Variants in VAT1L observed in about 807,000 individuals in gnomAD.
The protein encoded by VAT1L is putative NADPH-dependent quinone oxidoreductase VAT1L.
Under a neutral mutation model 44.1 loss-of-function variants are expected in VAT1L, and 34 were observed. The ratio of observed to expected loss-of-function variants is 0.77; its 90% CI spans 0.59 to 1.03. VAT1L has a LOEUF of 1.03. VAT1L is among the 50% of genes least tolerant of loss of function. VAT1L has a pLI of 0.00. For missense variants in VAT1L, 615 were observed against 538.8 expected, an observed-to-expected ratio of 1.14 and a Z score of -1.40; for synonymous variants, 253 against 202.2, an observed-to-expected ratio of 1.25 and a Z score of -2.13.
At chr16:77,881,061 G>A (rs1362183829) in intron 6 of VAT1L, among the ~76,000 whole-genome samples, 7 of 152,276 alleles carry the variant, frequency 4.6e-5, no homozygotes, top group Admixed American at 1.3e-4. Flanking sequence ...ATGAACATAC[G>A]GGTGCATGTG....
At chr16:77,933,357 A>G (rs1158500129) in intron 7 of VAT1L, among the ~76,000 whole-genome samples, 1 of 152,212 alleles carries the variant, frequency 6.6e-6, no homozygotes, top group East Asian at 1.9e-4. Flanking sequence ...TTTACCTTAA[A>G]CAGTTGTTGT....
At chr16:77,963,840 C>G (rs1398983406) in intron 7 of VAT1L, among the ~76,000 whole-genome samples, 1 of 152,148 alleles carries the variant, frequency 6.6e-6, no homozygotes, top group African/African-American at 2.4e-5. Context: ...CTTCCCAGCA[C>G]AGAAATGATT....
intron 7 of VAT1L, among the ~76,000 whole-genome samples, chr16:77,922,838 G>A (rs893656721): frequency 6.6e-6 from 1 of 152,204 alleles, no homozygotes; most frequent in African/African-American, 2.4e-5. Flanking sequence ...TCCAACCCAT[G>A]CCACTCTCAC....
At chr16:77,969,500 C>G (rs1259258674) in intron 7 of VAT1L, among the ~76,000 whole-genome samples, 3 of 152,116 alleles carry the variant, frequency 2.0e-5, no homozygotes, top group African/African-American at 7.2e-5. Context: ...TGGGGTCTGC[C>G]TTCAGTTTCT....
At chr16:77,932,355 T>A (rs888987590) in intron 7 of VAT1L, among the ~76,000 whole-genome samples, 3 of 152,098 alleles carry the variant, frequency 2.0e-5, no homozygotes, top group Non-Finnish European at 2.9e-5. Flanking sequence ...TCCTCCCGCC[T>A]TGGCCTCCAA....
At position 77,805,865 on chromosome 16, in the gene VAT1L, C is replaced by CT. The variant is rs10689119; in HGVS notation, c.234-11041dup. ...GTGTTATTTTTTCCTTAGTCTCTGC[C>CT]TTTTTTTTTTTTTTTGAGATGGAGT... On this transcript the variant is annotated intron_variant, in intron 1 of 8. Coordinates refer to ENST00000302536, the MANE Select transcript of VAT1L (RefSeq NM_020927.3). Among the ~76,000 whole-genome samples the CT allele has an allele frequency of 0.02, 1,549 of 78,844 alleles. 323 individuals carry two copies. In the East Asian group the frequency reaches 0.25, roughly 13 times the overall value. The allele number at this position is 78,844 out of a possible 152,430, so 51.7% of individuals were successfully genotyped here. A position where few individuals can be genotyped will look rare whatever the true frequency, so the allele number is the denominator to read the frequency against.
At chr16:77,930,906 C>A (rs1166097313) in intron 7 of VAT1L, among the ~76,000 whole-genome samples, 2 of 152,192 alleles carry the variant, frequency 1.3e-5, no homozygotes, top group Non-Finnish European at 2.9e-5. Flanking sequence ...ACACAACATT[C>A]AACATAATTC....
At position 77,874,839 on chromosome 16, in the gene VAT1L, T is replaced by TAAA. The variant is rs769810512; in HGVS notation, c.723-1509_723-1507dup. ...AATATTTAATGAACAAATTAATTTG[T>TAAA]AAAAAAAAAAAAAAAAAAAAAAAAG... On this transcript the variant is annotated intron_variant, in intron 4 of 8. Transcript: ENST00000302536. 5.5e-4 allele frequency among the ~76,000 whole-genome samples: 48 copies of TAAA among 87,608 alleles called. 1 individual carries two copies. Among genetic ancestry groups the TAAA allele is most frequent in the East Asian group, 7.5e-4 (2 of 2,680 alleles). 57.5% of individuals were successfully genotyped at this position (87,608 alleles called of 152,430 possible). A position where few individuals can be genotyped will look rare whatever the true frequency, so the allele number is the denominator to read the frequency against.
intron 1 of VAT1L, among the ~76,000 whole-genome samples, chr16:77,808,042 G>C (rs1254635893): frequency 6.6e-6 from 1 of 151,584 alleles, no homozygotes; most frequent in African/African-American, 2.4e-5. Flanking sequence ...CTGGGCCACA[G>C]ACCAGTACTG....
At chr16:77,976,093 G>T (rs1029325898) in intron 8 of VAT1L, among the ~76,000 whole-genome samples, 1 of 152,224 alleles carries the variant, frequency 6.6e-6, no homozygotes, top group East Asian at 1.9e-4. Context: ...GAACAGCTTA[G>T]CTGGTTAGTT....
Position 77,825,367 on chromosome 16 carries a change from C to A in VAT1L, c.485C>A (p.Pro162His). 1 of 1,614,082 alleles carries A rather than the reference C, an allele frequency of 6.2e-7. No individual in the cohort carries two copies. Among genetic ancestry groups the A allele is most frequent in the African/African-American group, 1.3e-5 (1 of 75,030 alleles). ...AGCTTCTCCGAGGCTGCTGCATTCC[C>A]CATGAACTTCGTCACAGCCTATGTG... ...DMSFSEAAAF[P>H]MNFVTAYVML... The change falls in exon 3 of 9, where the codon CCC (proline) becomes CAC (histidine). Residue 162 changes from proline (P) to histidine (H), a missense_variant. Pro to His is a moderately conservative substitution (Grantham distance 77). Transcript: ENST00000302536.
At chr16:77,853,024 T>C (rs971309625) in intron 3 of VAT1L, among the ~76,000 whole-genome samples, 1 of 152,232 alleles carries the variant, frequency 6.6e-6, no homozygotes, top group Non-Finnish European at 1.5e-5. Flanking sequence ...AATCAACCTA[T>C]ATGCTTCACC....
intron 7 of VAT1L, among the ~76,000 whole-genome samples, chr16:77,895,673 A>G (rs2017316439): frequency 6.6e-6 from 1 of 152,240 alleles, no homozygotes; most frequent in Admixed American, 6.5e-5. Context: ...GAACTGTAAG[A>G]GAATAAATTT....
chr16:77,913,813 T>C (rs555561314), intron 7 of VAT1L, among the ~76,000 whole-genome samples: 2 of 152,232 alleles, frequency 1.3e-5, no homozygotes, highest in East Asian at 1.9e-4. Flanking sequence ...TAGTCAGACA[T>C]AGAATTAGGA....
chr16:77,825,805 A>G (rs1055511791), intron 3 of VAT1L, among the ~76,000 whole-genome samples: 4 of 151,484 alleles, frequency 2.6e-5, no homozygotes, highest in African/African-American at 9.7e-5. Context: ...TCACGAAGTC[A>G]GGAGATCAAG....
At chr16:77,906,760 G>T (rs1250233847) in intron 7 of VAT1L, among the ~76,000 whole-genome samples, 2 of 152,172 alleles carry the variant, frequency 1.3e-5, no homozygotes, top group Non-Finnish European at 2.9e-5. Context: ...CATGTGAGTG[G>T]GCTGCCCTCT....
intron 2 of VAT1L, among the ~76,000 whole-genome samples, chr16:77,820,410 A>C (rs2016431839): frequency 6.6e-6 from 1 of 152,230 alleles, no homozygotes; most frequent in Admixed American, 6.5e-5. Context: ...TTAGCTGAAG[A>C]CCAAACCCCT....
intron 3 of VAT1L, among the ~76,000 whole-genome samples, chr16:77,841,472 C>A (rs2016705257): frequency 2.0e-5 from 3 of 152,188 alleles, no homozygotes; most frequent in South Asian, 4.1e-4. Flanking sequence ...TCCTTGTTGA[C>A]CCATTACACA....
chr16:77,964,766 G>A (rs1322388872), intron 7 of VAT1L, among the ~76,000 whole-genome samples: 12 of 136,340 alleles, frequency 8.8e-5, no homozygotes, highest in Admixed American at 4.8e-4. Context: ...CACTGCTCAC[G>A]CCCTTTGTAG....
Sources: allele counts gnomAD v4.1 joint callset (sites outside exome capture counted in the v4.1 genomes callset), GRCh38; gene constraint gnomAD v4.1.1; transcripts MANE v1.5; gene names NCBI Gene and HGNC (gene_info 2026-07-23, HGNC 2026-07-21).